The following DRAM1 variants were observed in gnomAD, a reference collection of about 807,000 sequenced individuals.
The protein encoded by DRAM1 is DNA damage regulated autophagy modulator 1.
Under a neutral mutation model 28.5 loss-of-function variants are expected in DRAM1, and 25 were observed. The observed-to-expected ratio is 0.88, with a 90% CI of 0.64 to 1.23. The LOEUF (loss-of-function observed/expected upper bound fraction) is 1.23. Among genes scored for constraint, DRAM1 ranks in the 50% most tolerant of loss-of-function variants. The probability of loss-of-function intolerance (pLI) is 0.00; values close to 1 mark genes in which losing one functional copy is unlikely to be tolerated. For missense variants in DRAM1, 249 were observed against 299.2 expected (o/e 0.83, Z 1.24); for synonymous variants, 113 against 114.2 (o/e 0.99, Z 0.07).
chr12:101,921,552 CTT>C lies in DRAM1; in HGVS notation c.*293_*294del, dbSNP rs1480329440. On this transcript the variant is annotated 3_prime_UTR_variant, in exon 7 of 7. Transcript: ENST00000258534. ...AAGGTGTTACAAAAAATGGAGAGCT[CTT>C]ATTTTTGTACAGATTCTGTCGTTTT... 5 of 238,400 alleles carry C rather than the reference CTT, an allele frequency of 2.1e-5. No individual in the cohort carries two copies. Among genetic ancestry groups the C allele is most frequent in the Non-Finnish European group, 3.2e-5 (4 of 125,844 alleles). 14.8% of individuals were successfully genotyped at this position (238,400 alleles called of 1,614,324 possible).
intron 1 of DRAM1, among the ~76,000 whole-genome samples, chr12:101,890,791 C>G (rs1412878691): frequency 6.8e-6 from 1 of 146,354 alleles, no homozygotes; most frequent in Non-Finnish European, 1.5e-5. Flanking sequence ...TGCTCTGTCA[C>G]CCAGGCTGGA....
At chr12:101,900,182 A>G (rs1873543211) in intron 2 of DRAM1, among the ~76,000 whole-genome samples, 1 of 152,214 alleles carries the variant, frequency 6.6e-6, no homozygotes, top group Admixed American at 6.5e-5. Context: ...TTGACTAGCT[A>G]TTTGGAAAAA....
At position 101,897,986 on chromosome 12, in the gene DRAM1, T is replaced by A. The variant is rs912335650; in HGVS notation, c.199+56T>A. 1.4e-5 allele frequency: 14 copies of A among 1,013,276 alleles called. No individual in the cohort carries two copies. The East Asian group carries it at 3.2e-4, about 23-fold the overall frequency. 62.8% of individuals were successfully genotyped at this position (1,013,276 alleles called of 1,614,324 possible). Reference sequence around the variant, plus strand: ...GAAAAGCTCACAATTCCAAGTGAAGTTGATGTGTCATTTGTAGTTTTCATA... The same window carrying A: ...GAAAAGCTCACAATTCCAAGTGAAGATGATGTGTCATTTGTAGTTTTCATA... On this transcript the variant is annotated intron_variant, in intron 2 of 6. Coordinates refer to ENST00000258534, the MANE Select transcript of DRAM1 (RefSeq NM_018370.3).
chr12:101,898,071 AGTGCAGTGGC>A (rs1873452982), intron 2 of DRAM1, 141 bp downstream of exon 2: 1 of 521,100 alleles, frequency 1.9e-6, no homozygotes, highest in Non-Finnish European at 3.2e-6. Flanking sequence ...TCCAGGCTGG[AGTGCAGTGGC>A]GTGATCACGG....
At chr12:101,900,410 C>A (rs984770597) in intron 2 of DRAM1, among the ~76,000 whole-genome samples, 10 of 152,010 alleles carry the variant, frequency 6.6e-5, no homozygotes, top group African/African-American at 2.4e-4. Flanking sequence ...AGACAAATAG[C>A]AGAGCAGAAG....
intron 3 of DRAM1, among the ~76,000 whole-genome samples, chr12:101,906,722 G>A (rs1873823584): frequency 6.6e-6 from 1 of 151,980 alleles, no homozygotes; most frequent in Non-Finnish European, 1.5e-5. Flanking sequence ...CAGCGTGGTG[G>A]TGCATGCCTG....
Position 101,889,390 on chromosome 12 carries a change from G to A in DRAM1, c.132-8473G>A, listed in dbSNP as rs1181075263. ...TCTTTCCTCTTGGAAGTCCCCTCTC[G>A]TGAGAGAGCTGTTTTCCTTTCTCTT... is the stretch of plus-strand genomic sequence containing the variant. On this transcript the variant is annotated intron_variant, in intron 1 of 6. Transcript: ENST00000258534. Among the ~76,000 whole-genome samples, 5 of 152,088 alleles carry A rather than the reference G, an allele frequency of 3.3e-5. No individual in the cohort carries two copies. The East Asian group carries it at 5.8e-4, about 18-fold the overall frequency.
chr12:101,914,345 A>C, intron 5 of DRAM1, 113 bp downstream of exon 5: 1 of 614,034 alleles, frequency 1.6e-6, no homozygotes, highest in Non-Finnish European at 2.7e-6. Flanking sequence ...GCAAAATGTC[A>C]AATAAACATG....
chr12:101,896,490 ATGG>A (rs1230260122), intron 1 of DRAM1, among the ~76,000 whole-genome samples: 1 of 152,068 alleles, frequency 6.6e-6, no homozygotes, highest in Non-Finnish European at 1.5e-5. Context: ...TTGGCCAGAC[ATGG>A]TGGCTTACAC....
chr12:101,913,705 CAAAAAA>C (rs60536139), intron 4 of DRAM1, among the ~76,000 whole-genome samples: 15 of 50,180 alleles, frequency 3.0e-4, no homozygotes, highest in African/African-American at 9.2e-4. Flanking sequence ...GAGTACGTCT[CAAAAAA>C]AAAAAAAAAA....
At position 101,896,873 on chromosome 12, in the gene DRAM1, C is replaced by T. The variant is rs149364226; in HGVS notation, c.132-990C>T. 0.019 allele frequency among the ~76,000 whole-genome samples: 2,887 copies of T among 150,384 alleles called. 215 individuals are homozygous for T. The East Asian group carries it at 0.23, about 12-fold the overall frequency. ...TGTGATCTCGGCTCACCGCAACCTCCGCCTCCTGGGTTCAAGTGATTCTCC... is the reference window on the plus strand; with the variant it reads ...TGTGATCTCGGCTCACCGCAACCTCTGCCTCCTGGGTTCAAGTGATTCTCC... On this transcript the variant is annotated intron_variant, in intron 1 of 6. Transcript: ENST00000258534.
At chr12:101,892,387 C>G (rs1873167673) in intron 1 of DRAM1, among the ~76,000 whole-genome samples, 1 of 149,798 alleles carries the variant, frequency 6.7e-6, no homozygotes, top group Admixed American at 6.7e-5. Flanking sequence ...AGGCACCCAC[C>G]ACCATGCCAG....
At chr12:101,883,011 T>G (rs1347823714) in intron 1 of DRAM1, among the ~76,000 whole-genome samples, 1 of 151,162 alleles carries the variant, frequency 6.6e-6, no homozygotes, top group African/African-American at 2.4e-5. Context: ...TAAAGGATAC[T>G]TCAAGTGAAA....
At chr12:101,905,979 G>A (rs1222000867) in intron 3 of DRAM1, among the ~76,000 whole-genome samples, 6 of 151,990 alleles carry the variant, frequency 3.9e-5, no homozygotes, top group South Asian at 2.1e-4. Context: ...TAGTAGATAC[G>A]CGGTTTCACC....
chr12:101,880,201 C>T (rs1872645263), intron 1 of DRAM1, among the ~76,000 whole-genome samples: 1 of 151,346 alleles, frequency 6.6e-6, no homozygotes, highest in African/African-American at 2.4e-5. Context: ...GATAGGCATG[C>T]ACAACCATGC....
chr12:101,919,320 A>T (rs1249028186), intron 5 of DRAM1, among the ~76,000 whole-genome samples: 1 of 133,614 alleles, frequency 7.5e-6, no homozygotes, highest in South Asian at 2.3e-4. Flanking sequence ...TTGTTTTTTT[A>T]AACCCCTTTG....
intron 1 of DRAM1, among the ~76,000 whole-genome samples, chr12:101,884,776 A>G (rs1176187597): frequency 6.6e-6 from 1 of 152,246 alleles, no homozygotes; most frequent in Non-Finnish European, 1.5e-5. Flanking sequence ...TGCAGAGTAA[A>G]TGAAGTAAAA....
At position 101,908,259 on chromosome 12, in the gene DRAM1, T is replaced by C; in HGVS notation, c.416T>C (p.Leu139Pro). Residue 139 changes from leucine (L) to proline (P), a missense_variant, in exon 4 of 7, where the codon CTA (leucine) becomes CCA (proline). Around this residue, in one of 3 missense-constraint regions of DRAM1, gnomAD observed 218 missense variants for 243.1 expected, o/e 0.90. Coordinates refer to ENST00000258534, the MANE Select transcript of DRAM1 (RefSeq NM_018370.3). ...GTCTGTGGTGTCGTGTACACGCTCC[T>C]ACAGTCCATCATCTCTTACAAATCA... Reference protein sequence around the residue: ...AFVCGVVYTLLQSIISYKSCP... With the variant: ...AFVCGVVYTLPQSIISYKSCP... The C allele has an allele frequency of 6.2e-7, 1 of 1,614,190 alleles. No homozygotes were observed.
chr12:101,908,163 C>T (rs1873893833), intron 3 of DRAM1, 23 bp from the exon 4 acceptor site: 1 of 1,589,430 alleles, frequency 6.3e-7, no homozygotes, highest in South Asian at 1.2e-5. Flanking sequence ...CAGAGTAACA[C>T]ACATTTATGA....
Sources: allele counts gnomAD v4.1 joint callset (sites outside exome capture counted in the v4.1 genomes callset), GRCh38; gene constraint gnomAD v4.1.1; regional missense constraint gnomAD v4.1.1; transcripts MANE v1.5; gene names NCBI Gene and HGNC (gene_info 2026-07-23, HGNC 2026-07-21).